The following KIAA0513 variants were observed in gnomAD, a reference collection of about 807,000 sequenced individuals.
The protein encoded by KIAA0513 is uncharacterized protein KIAA0513.
Under a neutral mutation model 56.5 loss-of-function variants are expected in KIAA0513, and 39 were observed. That is an observed-to-expected ratio of 0.69 (90% CI 0.53 to 0.90). The LOEUF is 0.90. Among genes scored for constraint, KIAA0513 ranks in the 40% least tolerant of loss-of-function variants. The pLI, the probability that KIAA0513 is intolerant of heterozygous loss-of-function variation, is 0.00. For missense variants in KIAA0513, 591 were observed against 535.2 expected (o/e 1.10, Z -1.03); for synonymous variants, 268 against 215.6 (o/e 1.24, Z -2.13).
intron 1 of KIAA0513, among the ~76,000 whole-genome samples, chr16:85,062,563 C>T (rs1214249167): frequency 6.6e-6 from 1 of 152,194 alleles, no homozygotes; most frequent in African/African-American, 2.4e-5. Flanking sequence ...CAGTGGGCCT[C>T]AGTACCTCCT....
At chr16:85,065,306 G>T (rs2073463809) in intron 1 of KIAA0513, among the ~76,000 whole-genome samples, 1 of 152,228 alleles carries the variant, frequency 6.6e-6, no homozygotes, top group African/African-American at 2.4e-5. Context: ...CAGCTGGCGA[G>T]GGGAGACCCC....
chr16:85,045,375 T>C (rs1386175111), intron 1 of KIAA0513, among the ~76,000 whole-genome samples: 3 of 152,024 alleles, frequency 2.0e-5, no homozygotes, highest in Non-Finnish European at 4.4e-5. Context: ...TTTGTTTGTT[T>C]GTGACAGTCT....
At chr16:85,052,733 G>C (rs1478300442) in intron 1 of KIAA0513, among the ~76,000 whole-genome samples, 1 of 152,134 alleles carries the variant, frequency 6.6e-6, no homozygotes, top group Non-Finnish European at 1.5e-5. Flanking sequence ...CATCACTGTG[G>C]TTTGGGGGCA....
At chr16:85,047,256 G>A (rs539458887) in intron 1 of KIAA0513, among the ~76,000 whole-genome samples, 215 of 152,334 alleles carry the variant, frequency 1.4e-3, no homozygotes, top group Non-Finnish European at 2.4e-3. Flanking sequence ...AGTGCTCAGG[G>A]TCTGTGCTTG....
intron 8 of KIAA0513, among the ~76,000 whole-genome samples, chr16:85,080,718 G>C (rs1362491089): frequency 1.3e-5 from 2 of 152,196 alleles, no homozygotes; most frequent in Non-Finnish European, 2.9e-5. Flanking sequence ...GCTTGAACCT[G>C]GGAGGCAGAG....
intron 1 of KIAA0513, among the ~76,000 whole-genome samples, chr16:85,063,060 C>T (rs532965129): frequency 2.7e-4 from 41 of 152,294 alleles, no homozygotes; most frequent in African/African-American, 9.1e-4. Flanking sequence ...CAGCTATCGG[C>T]GTGCAGGACC....
intron 1 of KIAA0513, among the ~76,000 whole-genome samples, chr16:85,029,654 C>T (rs1319554662): frequency 6.6e-6 from 1 of 152,176 alleles, no homozygotes; most frequent in Admixed American, 6.5e-5. Context: ...CCTCCTTTCT[C>T]TCATAAAGCA....
rs978573779 is a variant in KIAA0513, at chr16:85,090,769, T to C, written c.*2444T>C. On this transcript the variant is annotated 3_prime_UTR_variant, in exon 13 of 13. Transcript: ENST00000683363. ...TGCTGTGAGCAGAGCAGGCAGTGGC[T>C]CTGGAGGCTGCCTGTGGTCTCCTTC... 1.3e-5 allele frequency: 2 copies of C among 152,562 alleles called. No individual in the cohort carries two copies. Among genetic ancestry groups the C allele is most frequent in the Non-Finnish European group, 2.9e-5 (2 of 68,326 alleles). The allele number at this position is 152,562 out of a possible 1,614,324, so 9.5% of individuals were successfully genotyped here. A position where few individuals can be genotyped will look rare whatever the true frequency, so the allele number is the denominator to read the frequency against.
intron 1 of KIAA0513, among the ~76,000 whole-genome samples, chr16:85,029,541 C>T (rs1265887602): frequency 6.6e-6 from 1 of 152,210 alleles, no homozygotes. Context: ...AGGTGAATTG[C>T]TTTATAGTAG....
intron 10 of KIAA0513, among the ~76,000 whole-genome samples, chr16:85,084,618 G>A (rs372137922): frequency 2.2e-4 from 34 of 152,204 alleles, no homozygotes; most frequent in Non-Finnish European, 4.0e-4. Flanking sequence ...TAGTATAGAC[G>A]GGGTTTCACC....
chr16:85,045,067 G>A (rs1264909458), intron 1 of KIAA0513, among the ~76,000 whole-genome samples: 1 of 152,074 alleles, frequency 6.6e-6, no homozygotes, highest in African/African-American at 2.4e-5. Context: ...GTAGTGAGCT[G>A]AGATTGCACC....
At chr16:85,085,802 G>T (rs1054121490) in intron 10 of KIAA0513, among the ~76,000 whole-genome samples, 4 of 152,254 alleles carry the variant, frequency 2.6e-5, no homozygotes, top group Non-Finnish European at 5.9e-5. Flanking sequence ...TTCAGGCCTT[G>T]TGCGGAGAAC....
chr16:85,082,625 T>G, intron 10 of KIAA0513, 32 bp downstream of exon 10: 17 of 1,613,010 alleles, frequency 1.1e-5, no homozygotes, highest in Non-Finnish European at 1.4e-5. Flanking sequence ...TGTTCCATTT[T>G]ACAGTGCGGG....
rs375381790 is a variant in KIAA0513 at position 85,038,279 on chromosome 16, G to T, written c.-173+10421G>T. On this transcript the variant is annotated intron_variant, in intron 1 of 12. Coordinates refer to ENST00000683363, the MANE Select transcript of KIAA0513 (RefSeq NM_001388359.1). Reference sequence around the variant, plus strand: ...TCATAGTGACCTCCCCGCTTTCTCCGGCTGAAGGTGCTCCTTGCTGCCAGC... The same window carrying T: ...TCATAGTGACCTCCCCGCTTTCTCCTGCTGAAGGTGCTCCTTGCTGCCAGC... Among the ~76,000 whole-genome samples the T allele has an allele frequency of 3.9e-5, 6 of 152,236 alleles. No individual in the cohort carries two copies. The East Asian group carries it at 1.2e-3, about 29-fold the overall frequency.
intron 1 of KIAA0513, among the ~76,000 whole-genome samples, chr16:85,054,868 G>A (rs1481161437): frequency 6.6e-6 from 1 of 152,050 alleles, no homozygotes; most frequent in African/African-American, 2.4e-5. Context: ...CTGCATGGAC[G>A]TATTCGCTTT....
In KIAA0513 at chr16:85,081,421, C is replaced by G. The variant is rs1411801036; in HGVS notation, c.980+29C>G. On this transcript the variant is annotated intron_variant, in intron 9 of 12. Coordinates refer to ENST00000683363, the MANE Select transcript of KIAA0513 (RefSeq NM_001388359.1). The surrounding 1 kb of genome is among the most constrained non-coding windows in gnomAD (Gnocchi z 4.4). Reference sequence around the variant, plus strand: ...GGAGCAAAGTGTGGCCCCATTTGGCCTCAGGAAAAAGGACCAGGGAGTGGC... The same window carrying G: ...GGAGCAAAGTGTGGCCCCATTTGGCGTCAGGAAAAAGGACCAGGGAGTGGC... 5.2e-6 allele frequency: 8 copies of G among 1,545,374 alleles called. No individual in the cohort carries two copies. The Admixed American group carries it at 1.6e-4, about 30-fold the overall frequency.
At chr16:85,055,555 C>G (rs1156448524) in intron 1 of KIAA0513, among the ~76,000 whole-genome samples, 5 of 152,194 alleles carry the variant, frequency 3.3e-5, no homozygotes, top group Non-Finnish European at 5.9e-5. Context: ...CAAACACACA[C>G]AAACAACTGC....
At chr16:85,037,795 T>C (rs2073054553) in intron 1 of KIAA0513, among the ~76,000 whole-genome samples, 1 of 152,158 alleles carries the variant, frequency 6.6e-6, no homozygotes, top group Non-Finnish European at 1.5e-5. Flanking sequence ...ATTAACAAAG[T>C]CATCTATGCT....
At chr16:85,088,024 G>A (rs550245150) in intron 12 of KIAA0513, among the ~76,000 whole-genome samples, 1 of 152,366 alleles carries the variant, frequency 6.6e-6, no homozygotes, top group African/African-American at 2.4e-5. Context: ...CAGTTTTGAG[G>A]GCTGCTTCCA....
Sources: gnomAD v4.1 joint callset for allele counts (sites outside exome capture counted in the v4.1 genomes callset) on GRCh38, gnomAD v4.1.1 for gene constraint, Gnocchi (gnomAD v3.1) non-coding constraint, MANE v1.5 for transcripts, NCBI Gene and HGNC (gene_info 2026-07-23, HGNC 2026-07-21) for gene names.